UBAP2L: variants seen among roughly 807,000 people sequenced by gnomAD.
The protein encoded by UBAP2L is ubiquitin-associated protein 2-like.
UBAP2L carries 12 observed loss-of-function variants against 130.6 expected under a neutral mutation model. That is an observed-to-expected ratio of 0.09 (90% CI 0.06 to 0.15). The LOEUF (loss-of-function observed/expected upper bound fraction) is 0.15, where lower values mean the gene tolerates loss of function less well. Among genes scored for constraint, UBAP2L ranks in the 10% least tolerant of loss-of-function variants. The pLI is 1.00. For synonymous variants in UBAP2L, 503 were observed against 524.7 expected (o/e 0.96, Z 0.57); for missense variants, 965 against 1,332.5 (o/e 0.72, Z 4.29).
chr1:154,258,215 C>T (rs957428103), intron 20 of UBAP2L, among the ~76,000 whole-genome samples: 3 of 152,316 alleles, frequency 2.0e-5, no homozygotes. Context: ...AGACAGTCCT[C>T]CTGCCTCAGC....
chr1:154,243,767 A>C (rs1674383411), intron 10 of UBAP2L, among the ~76,000 whole-genome samples: 1 of 152,142 alleles, frequency 6.6e-6, no homozygotes, highest in Non-Finnish European at 1.5e-5. Context: ...GTTGATGGAG[A>C]GACTTCTAAG....
chr1:154,232,116 C>T (rs2148579550), intron 4 of UBAP2L, among the ~76,000 whole-genome samples: 1 of 152,154 alleles, frequency 6.6e-6, no homozygotes, highest in East Asian at 1.9e-4. Context: ...ATCACGAGGT[C>T]AAGTGATCAA....
At chr1:154,242,544 A>C (rs1250009242) in intron 9 of UBAP2L, among the ~76,000 whole-genome samples, 1 of 152,180 alleles carries the variant, frequency 6.6e-6, no homozygotes, top group Non-Finnish European at 1.5e-5. Context: ...GGGAGAGTGG[A>C]TTTTCTGTGC....
chr1:154,268,335 C>T (rs565399684), intron 25 of UBAP2L, among the ~76,000 whole-genome samples: 1 of 152,030 alleles, frequency 6.6e-6, no homozygotes, highest in South Asian at 2.1e-4. Context: ...GGATTACAGG[C>T]GCCCGCCACC....
intron 15 of UBAP2L, 158 bp from the exon 16 acceptor site, chr1:154,254,678 T>A (rs1485563676): frequency 2.5e-6 from 2 of 799,462 alleles, no homozygotes. Context: ...TTTGGTTTTT[T>A]GGATAGTCTA....
chr1:154,227,638 C>T lies in UBAP2L; in HGVS notation c.168+279C>T, dbSNP rs549429929. ...CTTGGCTCATTGCAGCTTCTGCCTC[C>T]CGAGTTCAAGCGATTCTCGTGCTTC... On this transcript the variant is annotated intron_variant, in intron 3 of 26. Transcript: ENST00000428931. Among the ~76,000 whole-genome samples, 3 of 151,996 alleles carry T rather than the reference C, an allele frequency of 2.0e-5. No individual in the cohort carries two copies. In the South Asian group the frequency reaches 6.2e-4, roughly 32 times the overall value.
chr1:154,260,759 A>T, intron 22 of UBAP2L, 133 bp from the exon 23 acceptor site: 2 of 861,180 alleles, frequency 2.3e-6, no homozygotes, highest in Non-Finnish European at 3.6e-6. Context: ...AGCCACTAAG[A>T]AATGTAATTC....
intron 5 of UBAP2L, among the ~76,000 whole-genome samples, 187 bp downstream of exon 5, chr1:154,234,946 G>A (rs1234934581): frequency 6.6e-6 from 1 of 152,132 alleles, no homozygotes; most frequent in Non-Finnish European, 1.5e-5. Flanking sequence ...CACCAGTCTG[G>A]CATGAGATTA....
At chr1:154,242,472 T>C (rs561698413) in intron 9 of UBAP2L, among the ~76,000 whole-genome samples, 3 of 152,342 alleles carry the variant, frequency 2.0e-5, no homozygotes, top group East Asian at 3.9e-4. Context: ...TGTTCCTTTC[T>C]GAGATTTGGC....
At chr1:154,269,304 G>A in intron 26 of UBAP2L, 1 of 1,342,698 alleles carries the variant, frequency 7.4e-7, no homozygotes, top group Non-Finnish European at 1.0e-6. Context: ...TTCTAATGGT[G>A]GAGTTCTATT....
intron 24 of UBAP2L, chr1:154,263,540 C>G: frequency 1.9e-5 from 19 of 1,006,974 alleles, no homozygotes; most frequent in Non-Finnish European, 2.3e-5. Flanking sequence ...TTTGTGGACA[C>G]TAGGAACCAA....
intron 4 of UBAP2L, among the ~76,000 whole-genome samples, chr1:154,232,307 A>C (rs1670101823): frequency 6.6e-6 from 1 of 151,160 alleles, no homozygotes; most frequent in Admixed American, 6.6e-5. Flanking sequence ...ATGGTGACAA[A>C]GTGAGACTAA....
chr1:154,268,078 G>A (rs1299684229), intron 25 of UBAP2L, among the ~76,000 whole-genome samples: 4 of 151,234 alleles, frequency 2.6e-5, no homozygotes, highest in African/African-American at 4.9e-5. Context: ...TAGTAGAGAC[G>A]GGGTTTCTTC....
chr1:154,242,487 C>T (rs184036868), intron 9 of UBAP2L, among the ~76,000 whole-genome samples: 1 of 152,264 alleles, frequency 6.6e-6, no homozygotes, highest in Non-Finnish European at 1.5e-5. Flanking sequence ...TTTGGCTTGT[C>T]CGCTTAAGCA....
chr1:154,261,601 A>C lies in UBAP2L; in HGVS notation c.2806A>C (p.Thr936Pro). Residue 936 changes from threonine (T) to proline (P), a missense_variant, in exon 24 of 27, where the codon ACC (threonine) becomes CCC (proline). Physicochemically the swap from Thr to Pro is conservative, Grantham distance 38 (BLOSUM62 -1). Coordinates refer to ENST00000428931, the MANE Select transcript of UBAP2L (RefSeq NM_014847.4). ...YGPAVFPVAPTSSKQHGVNVS... is the reference protein window; with the variant it reads ...YGPAVFPVAPPSSKQHGVNVS... ...CCTTTTTGCTCTTTAGGTGGCTCCTACCTCTTCCAAGCAGCATGGTGTGAA... is the reference window on the plus strand; with the variant it reads ...CCTTTTTGCTCTTTAGGTGGCTCCTCCCTCTTCCAAGCAGCATGGTGTGAA... 6.2e-7 allele frequency: 1 copy of C among 1,614,010 alleles called. No homozygotes were observed. Among genetic ancestry groups the C allele is most frequent in the South Asian group, 1.1e-5 (1 of 91,074 alleles).
At chr1:154,258,480 A>G (rs1458666845) in intron 20 of UBAP2L, among the ~76,000 whole-genome samples, 1 of 152,210 alleles carries the variant, frequency 6.6e-6, no homozygotes, top group East Asian at 1.9e-4. Flanking sequence ...AACGTTTTAG[A>G]AGATACCTGT....
At chr1:154,235,166 T>C in intron 5 of UBAP2L, 30 bp from the exon 6 acceptor site, 1 of 737,708 alleles carries the variant, frequency 1.4e-6, no homozygotes, top group Admixed American at 2.0e-5. Flanking sequence ...TTTGTTGTTG[T>C]TGTTGTTTTA....
At chr1:154,235,948 T>TA (rs1378391264) in intron 6 of UBAP2L, among the ~76,000 whole-genome samples, 1 of 152,126 alleles carries the variant, frequency 6.6e-6, no homozygotes. Flanking sequence ...TCTAGTTAGT[T>TA]AATTCCTGAG....
upstream of UBAP2L, chr1:154,220,426 A>C: frequency 6.2e-7 from 1 of 1,614,180 alleles, no homozygotes; most frequent in Admixed American, 1.7e-5. Flanking sequence ...TACCTCGCGC[A>C]GAATTGTTCG....
Sources: allele counts gnomAD v4.1 joint callset (sites outside exome capture counted in the v4.1 genomes callset), GRCh38; gene constraint gnomAD v4.1.1; transcripts MANE v1.5; gene names NCBI Gene and HGNC (gene_info 2026-07-23, HGNC 2026-07-21).